TTC7B: variants seen among roughly 807,000 people sequenced by gnomAD.
The protein encoded by TTC7B is tetratricopeptide repeat protein 7B.
A neutral mutation model predicts 106.8 loss-of-function variants in TTC7B; 28 were observed. The ratio of observed to expected loss-of-function variants is 0.26; its 90% CI spans 0.19 to 0.36. The LOEUF (loss-of-function observed/expected upper bound fraction) is 0.36. Ranked by LOEUF, TTC7B falls within the 10% of genes least tolerant of loss-of-function variation. TTC7B has a pLI of 1.00. For synonymous variants in TTC7B, 405 were observed against 430.6 expected, an observed-to-expected ratio of 0.94 and a Z score of 0.74; for missense variants, 862 against 1,076.4, an observed-to-expected ratio of 0.80 and a Z score of 2.79.
intron 9 of TTC7B, among the ~76,000 whole-genome samples, chr14:90,674,616 G>T (rs1886755271): frequency 6.6e-6 from 1 of 152,228 alleles, no homozygotes; most frequent in African/African-American, 2.4e-5. Flanking sequence ...CTGTATCCCT[G>T]GCCTTAATCA....
intron 16 of TTC7B, among the ~76,000 whole-genome samples, chr14:90,617,480 T>G (rs932899138): frequency 6.6e-6 from 1 of 152,242 alleles, no homozygotes; most frequent in Non-Finnish European, 1.5e-5. Context: ...TTCACAGTGA[T>G]ATTTTATGCC....
chr14:90,787,640 G>A (rs1329537271), intron 1 of TTC7B, among the ~76,000 whole-genome samples: 5 of 152,122 alleles, frequency 3.3e-5, no homozygotes, highest in Non-Finnish European at 7.4e-5. Flanking sequence ...ATTCTGGGTG[G>A]TAAGTCCACC....
intron 3 of TTC7B, among the ~76,000 whole-genome samples, chr14:90,779,094 G>C (rs527484971): frequency 3.9e-5 from 6 of 152,278 alleles, no homozygotes; most frequent in African/African-American, 1.4e-4. Context: ...AGTCAGTCAC[G>C]GAACGTGGTT....
intron 2 of TTC7B, among the ~76,000 whole-genome samples, chr14:90,781,607 G>C (rs975907350): frequency 6.6e-6 from 1 of 152,156 alleles, no homozygotes; most frequent in Non-Finnish European, 1.5e-5. Context: ...CAGACATCCT[G>C]GTGGGTCTGG....
intron 3 of TTC7B, among the ~76,000 whole-genome samples, chr14:90,777,127 C>T (rs890936516): frequency 6.6e-6 from 1 of 152,180 alleles, no homozygotes; most frequent in Non-Finnish European, 1.5e-5. Flanking sequence ...GTAATCCCAA[C>T]TACTTGTGAG....
chr14:90,750,457 G>A (rs374399658), intron 3 of TTC7B, among the ~76,000 whole-genome samples: 1 of 152,146 alleles, frequency 6.6e-6, no homozygotes, highest in African/African-American at 2.4e-5. Flanking sequence ...TCAAAGAAAG[G>A]CCAAATCCAG....
At chr14:90,632,729 C>T (rs1026492411) in intron 15 of TTC7B, among the ~76,000 whole-genome samples, 3 of 152,194 alleles carry the variant, frequency 2.0e-5, no homozygotes, top group Non-Finnish European at 2.9e-5. Flanking sequence ...ATGGCTCTGC[C>T]TTTTTCCAGG....
chr14:90,539,237 GC>G lies in TTC7B; in HGVS notation c.*2130del. ...GTGCCGGGCAGACACACAGGAGCCA[GC>G]CCCCGCGCCCTGCAGGGCTGATACG... On this transcript the variant is annotated 3_prime_UTR_variant, in exon 20 of 20. Coordinates refer to ENST00000328459, the MANE Select transcript of TTC7B (RefSeq NM_001010854.2). 1 of 152,600 alleles carries G rather than the reference GC, an allele frequency of 6.6e-6. No homozygotes were observed. Among genetic ancestry groups the G allele is most frequent in the Non-Finnish European group, 1.5e-5 (1 of 68,266 alleles). The allele number at this position is 152,600 out of a possible 1,614,324, so 9.5% of individuals were successfully genotyped here.
chr14:90,681,830 C>G (rs1190362025), intron 7 of TTC7B, among the ~76,000 whole-genome samples: 1 of 152,208 alleles, frequency 6.6e-6, no homozygotes, highest in Non-Finnish European at 1.5e-5. Context: ...CCTAAAGGCT[C>G]TGAATTAAGT....
chr14:90,738,896 G>A (rs769846859), intron 4 of TTC7B, among the ~76,000 whole-genome samples: 4 of 152,068 alleles, frequency 2.6e-5, no homozygotes, highest in African/African-American at 9.7e-5. Context: ...ATGGTGGTGC[G>A]TGCCTGTGGT....
chr14:90,748,338 T>A (rs1890031787), intron 3 of TTC7B, among the ~76,000 whole-genome samples: 1 of 152,212 alleles, frequency 6.6e-6, no homozygotes, highest in South Asian at 2.1e-4. Flanking sequence ...TACTTTGTTT[T>A]GTTTGTTTGG....
Position 90,808,788 on chromosome 14 carries a change from A to G in TTC7B, c.121+7387T>C, listed in dbSNP as rs2030739858. On this transcript the variant is annotated intron_variant, in intron 1 of 19. Transcript: ENST00000328459. The surrounding 1 kb of genome is among the most constrained non-coding windows in gnomAD (Gnocchi z 4.2). ...TGTCAAAGGCCTGCAACCCGCCACC[A>G]TCTACCAAGCATGAGGTCATTCAGA... Among the ~76,000 whole-genome samples, 1 of 152,162 alleles carries G rather than the reference A, an allele frequency of 6.6e-6. No homozygotes were observed. The highest frequency in any genetic ancestry group is 1.5e-5 in the Non-Finnish European group (1 of 68,012).
intron 17 of TTC7B, among the ~76,000 whole-genome samples, chr14:90,607,793 T>G (rs1340653005): frequency 1.3e-5 from 2 of 152,172 alleles, no homozygotes; most frequent in African/African-American, 4.8e-5. Context: ...AGATACACTG[T>G]GAAGTGCAAA....
intron 16 of TTC7B, among the ~76,000 whole-genome samples, chr14:90,613,717 C>T (rs1202772929): frequency 6.6e-6 from 1 of 152,228 alleles, no homozygotes; most frequent in Non-Finnish European, 1.5e-5. Flanking sequence ...CTGCCGGGCC[C>T]TTAGGCTGCC....
chr14:90,580,801 CT>C (rs1891456661), intron 18 of TTC7B, among the ~76,000 whole-genome samples: 1 of 152,228 alleles, frequency 6.6e-6, no homozygotes, highest in South Asian at 2.1e-4. Flanking sequence ...AGCCAGGTCC[CT>C]GTAAGTATTT....
intron 5 of TTC7B, among the ~76,000 whole-genome samples, chr14:90,727,218 G>A (rs769618432): frequency 2.6e-5 from 4 of 152,160 alleles, no homozygotes; most frequent in Admixed American, 6.5e-5. Context: ...GTCTGTGGGC[G>A]ATGTCCTGTC....
At chr14:90,565,600 C>T (rs1373366023) in intron 19 of TTC7B, among the ~76,000 whole-genome samples, 1 of 152,014 alleles carries the variant, frequency 6.6e-6, no homozygotes, top group Middle Eastern at 3.2e-3. Context: ...TGGGGTTTCA[C>T]TGTGTTGGCC....
Position 90,541,254 on chromosome 14 carries a change from A to T in TTC7B, c.*114T>A. The T allele has an allele frequency of 1.0e-6, 1 of 978,294 alleles. No homozygotes were observed. The highest frequency in any genetic ancestry group is 1.5e-6 in the Non-Finnish European group (1 of 681,942). The allele number at this position is 978,294 out of a possible 1,614,324, so 60.6% of individuals were successfully genotyped here. ...GTTGGTTCACTGTGGCCCACTGAAC[A>T]CTCGTCCCTGGCCTCAGTGTGGCAG... On this transcript the variant is annotated 3_prime_UTR_variant, in exon 20 of 20. Coordinates refer to ENST00000328459, the MANE Select transcript of TTC7B (RefSeq NM_001010854.2).
At chr14:90,722,695 G>A (rs1275351248) in intron 5 of TTC7B, among the ~76,000 whole-genome samples, 1 of 152,180 alleles carries the variant, frequency 6.6e-6, no homozygotes, top group Non-Finnish European at 1.5e-5. Context: ...TTTGTTCAGG[G>A]TCACAGATGT....
Sources: gnomAD v4.1 joint callset for allele counts (sites outside exome capture counted in the v4.1 genomes callset) on GRCh38, gnomAD v4.1.1 for gene constraint, Gnocchi (gnomAD v3.1) non-coding constraint, MANE v1.5 for transcripts, NCBI Gene and HGNC (gene_info 2026-07-23, HGNC 2026-07-21) for gene names.